The following TXLNA variants were observed in gnomAD, a reference collection of about 807,000 sequenced individuals.
The protein encoded by TXLNA is alpha-taxilin.
In TXLNA, 9 loss-of-function variants were observed where a neutral mutation model predicts 61.4. That is an observed-to-expected ratio of 0.15 (90% CI 0.09 to 0.26). The LOEUF (loss-of-function observed/expected upper bound fraction) is 0.26. Among genes scored for constraint, TXLNA ranks in the 10% least tolerant of loss-of-function variants. The pLI is 1.00. For synonymous variants in TXLNA, 257 were observed against 267.7 expected (o/e 0.96, Z 0.39); for missense variants, 565 against 688.8 (o/e 0.82, Z 2.01).
At position 32,193,200 on chromosome 1, in the gene TXLNA, C is replaced by A; in HGVS notation, c.1159-8C>A. On this transcript the variant is annotated splice_polypyrimidine_tract_variant and splice_region_variant and intron_variant, in intron 8 of 10. Transcript: ENST00000373610. ...CAGTCTTATCTGTGGGCTGCTTTCT[C>A]CCCACAGCTTGCCCTATACACAGAG... 1 of 1,609,848 alleles carries A rather than the reference C, an allele frequency of 6.2e-7. No individual in the cohort carries two copies. Among genetic ancestry groups the A allele is most frequent in the South Asian group, 1.1e-5 (1 of 90,998 alleles).
rs774725199 is a variant in TXLNA at position 32,193,191 on chromosome 1, C to T, written c.1159-17C>T. ...AGAGAAACCCAGTCTTATCTGTGGGCTGCTTTCTCCCCACAGCTTGCCCTA... is the reference window on the plus strand; with the variant it reads ...AGAGAAACCCAGTCTTATCTGTGGGTTGCTTTCTCCCCACAGCTTGCCCTA... On this transcript the variant is annotated splice_polypyrimidine_tract_variant and intron_variant, in intron 8 of 10. Transcript: ENST00000373610. 1.3e-6 allele frequency: 2 copies of T among 1,592,772 alleles called. No individual in the cohort carries two copies. The highest frequency in any genetic ancestry group is 1.7e-6 in the Non-Finnish European group (2 of 1,160,658).
chr1:32,180,110 G>T, intron 1 of TXLNA: 1 of 484,362 alleles, frequency 2.1e-6, no homozygotes, highest in South Asian at 2.8e-5. Flanking sequence ...TCCCTCACCC[G>T]CTGTGGGAGC....
chr1:32,193,434 C>T (rs1642948975), intron 9 of TXLNA, 134 bp downstream of exon 9: 3 of 685,418 alleles, frequency 4.4e-6, no homozygotes, highest in Non-Finnish European at 7.9e-6. Context: ...ACAGCCTTTC[C>T]CCTCTTGAGG....
rs529393830 is a variant in TXLNA at position 32,187,188 on chromosome 1, C to T, written c.598-766C>T. Among the ~76,000 whole-genome samples the T allele has an allele frequency of 8.3e-4, 127 of 152,302 alleles. 2 individuals are homozygous for T. The South Asian group carries it at 0.026, about 31-fold the overall frequency. On this transcript the variant is annotated intron_variant, in intron 4 of 10. Coordinates refer to ENST00000373610, the MANE Select transcript of TXLNA (RefSeq NM_175852.4). ...AAGTGCTGGGATTACAGGCATGAGCCACCACTCCCGGCCTCACTTTTTTAC... is the reference window on the plus strand; with the variant it reads ...AAGTGCTGGGATTACAGGCATGAGCTACCACTCCCGGCCTCACTTTTTTAC...
Position 32,180,463 on chromosome 1 carries a change from G to A in TXLNA, c.118G>A (p.Ala40Thr). ...GGAGCGGCCCAGCCAGGCGGCTCCT[G>A]CAGTAGAAGCAGAAGGTCCCGGCAG... ...AQERPSQAAP[A>T]VEAEGPGSSQ... Residue 40 changes from alanine to threonine, a missense_variant, in exon 2 of 11, where the codon GCA (alanine) becomes ACA (threonine). Ala to Thr is a moderately conservative substitution (Grantham distance 58). Around this residue, in one of 2 missense-constraint regions of TXLNA, gnomAD observed 192 missense variants for 184.8 expected, o/e 1.04. Coordinates refer to ENST00000373610, the MANE Select transcript of TXLNA (RefSeq NM_175852.4). The A allele has an allele frequency of 6.2e-7, 1 of 1,612,124 alleles. No individual in the cohort carries two copies. The highest frequency in any genetic ancestry group is 8.5e-7 in the Non-Finnish European group (1 of 1,179,126).
Position 32,194,150 on chromosome 1 carries a change from T to C in TXLNA, c.1337T>C (p.Met446Thr), listed in dbSNP as rs1184924558. 1.9e-6 allele frequency: 3 copies of C among 1,613,582 alleles called. No individual in the cohort carries two copies. The highest frequency in any genetic ancestry group is 1.7e-5 in the Admixed American group (1 of 59,936). The change falls in exon 10 of 11, where the codon ATG becomes ACG. Residue 446 changes from methionine (M) to threonine (T), a missense_variant. Transcript: ENST00000373610. The stretch of plus-strand genomic sequence containing the variant: ...AGCAGCAACAAGGCCCTGCTTGAGA[T>C]GGCTGAGGAGGTGGGCTGTCTGTGA... Reference protein sequence around the residue: ...WESSNKALLEMAEEKTVRDKE... With the variant: ...WESSNKALLETAEEKTVRDKE...
chr1:32,194,957 A>T lies in TXLNA; in HGVS notation c.1403A>T (p.Glu468Val). 1.2e-6 allele frequency: 2 copies of T among 1,613,938 alleles called. No individual in the cohort carries two copies. The highest frequency in any genetic ancestry group is 1.7e-6 in the Non-Finnish European group (2 of 1,179,930). ...CTGCAGGTAAAAATCCAACGGCTGG[A>T]GAAGCTGTGCCGGGCACTGCAGACA... ...EGLQVKIQRL[E>V]KLCRALQTER... Residue 468 changes from glutamate (E) to valine (V), a missense_variant, in exon 11 of 11, where the codon GAG (glutamate) becomes GTG (valine). By Grantham distance (121) the Glu-to-Val change is moderately radical. This residue lies in a region of TXLNA where 373 missense variants were observed against 504.0 expected (regional missense o/e 0.74). Transcript: ENST00000373610.
At chr1:32,193,093 A>T in intron 8 of TXLNA, 115 bp from the exon 9 acceptor site, 2 of 731,138 alleles carry the variant, frequency 2.7e-6, no homozygotes, top group Admixed American at 4.3e-5. Flanking sequence ...TTTTAAGGAA[A>T]AATAGTATCT....
Position 32,181,550 on chromosome 1 carries a change from CAGG to C in TXLNA, c.481_483del (p.Glu161del), listed in dbSNP as rs1237092887. ...CGGAGACCGAGACCATCGAAGGCCA[CAGG>C]AGAAGAAAAAAGCCAAGGGTTTGGG... On this transcript the variant is annotated inframe_deletion, in exon 3 of 11. Coordinates refer to ENST00000373610, the MANE Select transcript of TXLNA (RefSeq NM_175852.4). The C allele has an allele frequency of 3.2e-6, 5 of 1,555,908 alleles. No homozygotes were observed. The highest frequency in any genetic ancestry group is 1.4e-5 in the African/African-American group (1 of 73,200).
At chr1:32,187,221 C>G (rs1642805810) in intron 4 of TXLNA, among the ~76,000 whole-genome samples, 1 of 152,162 alleles carries the variant, frequency 6.6e-6, no homozygotes, top group South Asian at 2.1e-4. Context: ...TACATTGATT[C>G]CGTGTTGAAA....
At chr1:32,193,411 G>C (rs1642948710) in intron 9 of TXLNA, 111 bp downstream of exon 9, 2 of 768,312 alleles carry the variant, frequency 2.6e-6, no homozygotes, top group Non-Finnish European at 4.6e-6. Context: ...GGGCAGGGCT[G>C]TTAGGAAGGT....
At chr1:32,193,372 T>C in intron 9 of TXLNA, 72 bp downstream of exon 9, 1 of 1,179,136 alleles carries the variant, frequency 8.5e-7, no homozygotes, top group South Asian at 1.2e-5. Context: ...GGGCCTGCCT[T>C]CAGGAAGCTC....
At chr1:32,183,316 G>A (rs1470368755) in intron 3 of TXLNA, among the ~76,000 whole-genome samples, 2 of 149,388 alleles carry the variant, frequency 1.3e-5, no homozygotes, top group African/African-American at 2.5e-5. Flanking sequence ...AGTAGTGACA[G>A]GGTTTCACTG....
rs1380561766 is a variant in TXLNA, at chr1:32,195,624, C to T, written c.*429C>T. On this transcript the variant is annotated 3_prime_UTR_variant, in exon 11 of 11. Transcript: ENST00000373610. ...ACACCCAGGTCTTGACTGCATTTGT[C>T]TTGTGAGCAGGGCTTGCTTGGTCAG... 2.4e-6 allele frequency: 1 copy of T among 423,442 alleles called. No individual in the cohort carries two copies. The highest frequency in any genetic ancestry group is 4.7e-6 in the Non-Finnish European group (1 of 214,282). The allele number at this position is 423,442 out of a possible 1,614,324, so 26.2% of individuals were successfully genotyped here. A position where few individuals can be genotyped will look rare whatever the true frequency, so the allele number is the denominator to read the frequency against.
Position 32,181,370 on chromosome 1 carries a change from G to T in TXLNA, c.298G>T (p.Ala100Ser). 6.2e-7 allele frequency: 1 copy of T among 1,614,210 alleles called. No individual in the cohort carries two copies. The highest frequency in any genetic ancestry group is 2.2e-5 in the East Asian group (1 of 44,874). The change falls in exon 3 of 11, where the codon GCA becomes TCA. Residue 100 changes from alanine (A) to serine (S), a missense_variant. By Grantham distance (99) the Ala-to-Ser change is moderately conservative. This residue lies in a region of TXLNA where 192 missense variants were observed against 184.8 expected (regional missense o/e 1.04). Coordinates refer to ENST00000373610, the MANE Select transcript of TXLNA (RefSeq NM_175852.4). ...CCAGGGGGGCCCCGGCGAGGATGGG[G>T]CACAGGGTGAGCCGGCTGAACCCGA... ...NNQGGPGEDG[A>S]QGEPAEPEDA...
intron 2 of TXLNA, 146 bp from the exon 3 acceptor site, chr1:32,181,096 C>T (rs867080475): frequency 1.8e-6 from 1 of 565,008 alleles, no homozygotes; most frequent in Admixed American, 3.6e-5. Context: ...CTGAATGATA[C>T]TCCATTCTTG....
At chr1:32,185,482 T>A (rs969858221) in intron 4 of TXLNA, among the ~76,000 whole-genome samples, 1 of 151,840 alleles carries the variant, frequency 6.6e-6, no homozygotes, top group African/African-American at 2.4e-5. Context: ...AAGCTCCGCC[T>A]TCTGGGTTCA....
chr1:32,182,195 A>G (rs1642679036), intron 3 of TXLNA, among the ~76,000 whole-genome samples: 1 of 151,132 alleles, frequency 6.6e-6, no homozygotes, highest in Non-Finnish European at 1.5e-5. Context: ...CTAAAATGGT[A>G]AGAGCCAAAC....
rs1468380571 is a variant in TXLNA at position 32,181,768 on chromosome 1, A to G, written c.505+191A>G. Among the ~76,000 whole-genome samples the G allele has an allele frequency of 2.0e-5, 3 of 152,292 alleles. No individual in the cohort carries two copies. The South Asian group carries it at 6.2e-4, about 32-fold the overall frequency. On this transcript the variant is annotated intron_variant, in intron 3 of 10. Coordinates refer to ENST00000373610, the MANE Select transcript of TXLNA (RefSeq NM_175852.4). ...AGAGATGCAGGAGTTACCAGCACAA[A>G]GCCTTCTGGGTTTTGGAGCAACTGG...
Sources: allele counts gnomAD v4.1 joint callset (sites outside exome capture counted in the v4.1 genomes callset), GRCh38; gene constraint gnomAD v4.1.1; regional missense constraint gnomAD v4.1.1; transcripts MANE v1.5; gene names NCBI Gene and HGNC (gene_info 2026-07-23, HGNC 2026-07-21).